The following UBR2 variants were observed in gnomAD, a reference collection of about 807,000 sequenced individuals.
UBR2 encodes ubiquitin protein ligase E3 component n-recognin 2, also known as E3 ubiquitin-protein ligase UBR2.
UBR2 carries 92 observed loss-of-function variants against 247.9 expected under a neutral mutation model. The observed-to-expected ratio is 0.37, with a 90% CI of 0.31 to 0.44. The LOEUF is 0.44. UBR2 is among the 20% of genes least tolerant of loss of function. UBR2 has a pLI of 1.00. For missense variants in UBR2, 1,613 were observed against 2,112.6 expected (o/e 0.76, Z 4.64); for synonymous variants, 672 against 693.5 (o/e 0.97, Z 0.49).
At chr6:42,661,776 A>AT (rs1489638829) in intron 30 of UBR2, among the ~76,000 whole-genome samples, 2 of 152,146 alleles carry the variant, frequency 1.3e-5, no homozygotes, top group African/African-American at 4.8e-5. Context: ...AACATTTTTT[A>AT]TTAGCGATCA....
intron 11 of UBR2, among the ~76,000 whole-genome samples, chr6:42,628,362 A>G (rs1268956175): frequency 1.3e-5 from 2 of 152,152 alleles, no homozygotes; most frequent in Non-Finnish European, 1.5e-5. Context: ...AATGTTTTAC[A>G]GCAGTGGTAC....
Position 42,573,902 on chromosome 6 carries a change from G to A in UBR2, c.247G>A (p.Ala83Thr), listed in dbSNP as rs1014391153. 1.2e-6 allele frequency: 2 copies of A among 1,613,800 alleles called. No homozygotes were observed. The highest frequency in any genetic ancestry group is 2.7e-5 in the African/African-American group (2 of 74,906). The stretch of plus-strand genomic sequence containing the variant: ...ATGGTACCTTTGTGGTGAAGATCCT[G>A]CATTTGGATTTCCAAAACTTGAGCA... The part of the protein sequence containing the change: ...MEWYLCGEDP[A>T]FGFPKLEQAN... The change falls in exon 2 of 47, where the codon GCA (alanine) becomes ACA (threonine). Residue 83 changes from alanine (A) to threonine (T), a missense_variant. By Grantham distance (58) the Ala-to-Thr change is moderately conservative. Coordinates refer to ENST00000372901, the MANE Select transcript of UBR2 (RefSeq NM_001363705.2).
intron 11 of UBR2, among the ~76,000 whole-genome samples, chr6:42,618,312 TGGA>T (rs897182766): frequency 7.2e-5 from 11 of 152,288 alleles, no homozygotes; most frequent in South Asian, 6.2e-4. Flanking sequence ...TGAGAAAACC[TGGA>T]GGAGTAGGGT....
chr6:42,586,538 C>CTTTTTTTTTT (rs147830824), intron 2 of UBR2, among the ~76,000 whole-genome samples: 12 of 97,244 alleles, frequency 1.2e-4, no homozygotes, highest in East Asian at 2.9e-4. Context: ...GTTTGTCTCT[C>CTTTTTTTTTT]TTTTTTTTTT....
In UBR2 at chr6:42,658,264, A is replaced by G; in HGVS notation, c.3007A>G (p.Arg1003Gly). 3.1e-6 allele frequency: 5 copies of G among 1,613,946 alleles called. No homozygotes were observed. Among genetic ancestry groups the G allele is most frequent in the Non-Finnish European group, 3.4e-6 (4 of 1,179,936 alleles). The change falls in exon 28 of 47, where the codon AGG (arginine) becomes GGG (glycine). Residue 1003 changes from arginine to glycine, a missense_variant. Arg to Gly is a moderately radical substitution (Grantham distance 125). Around this residue, in one of 3 missense-constraint regions of UBR2, gnomAD observed 1,524 missense variants for 1,967.3 expected, o/e 0.77. Transcript: ENST00000372901. ...LKTFNAVKKM[R>G]ESSPTSPVAE... ...GACTTTTAATGCTGTTAAAAAGATG[A>G]GGGAGAGTTCACCTACCAGTCCCGT...
intron 3 of UBR2, 22 bp from the exon 4 acceptor site, chr6:42,594,169 T>G (rs1335665038): frequency 6.4e-7 from 1 of 1,564,178 alleles, no homozygotes; most frequent in East Asian, 2.2e-5. Flanking sequence ...ATTGACAAGA[T>G]ACTTTACAAT....
chr6:42,596,833 A>G (rs1377026510), intron 4 of UBR2, among the ~76,000 whole-genome samples: 4 of 152,156 alleles, frequency 2.6e-5, no homozygotes, highest in Non-Finnish European at 5.9e-5. Context: ...GGGGAAGAGG[A>G]AAATGGAGAG....
At chr6:42,589,845 G>T (rs1178498559) in intron 2 of UBR2, among the ~76,000 whole-genome samples, 1 of 152,100 alleles carries the variant, frequency 6.6e-6, no homozygotes, top group Non-Finnish European at 1.5e-5. Context: ...AGCTGTTACT[G>T]GCATATCTAT....
chr6:42,646,216 T>C (rs1188912839), intron 21 of UBR2, among the ~76,000 whole-genome samples: 1 of 152,204 alleles, frequency 6.6e-6, no homozygotes, highest in African/African-American at 2.4e-5. Context: ...TTTATTTTCA[T>C]TGAGGCTTTT....
At chr6:42,648,481 A>C (rs1325451892) in intron 22 of UBR2, among the ~76,000 whole-genome samples, 1 of 152,192 alleles carries the variant, frequency 6.6e-6, no homozygotes, top group Non-Finnish European at 1.5e-5. Context: ...GTAATTTCTT[A>C]AAACTGTTTT....
Position 42,658,011 on chromosome 6 carries a change from T to A in UBR2, c.2873-13T>A, listed in dbSNP as rs1797537870. 6.3e-7 allele frequency: 1 copy of A among 1,596,518 alleles called. No individual in the cohort carries two copies. The highest frequency in any genetic ancestry group is 1.7e-5 in the Admixed American group (1 of 59,210). The stretch of plus-strand genomic sequence containing the variant: ...TAGCTATTGTTATTGTGCCTTTTAT[T>A]TTTCTGCCGTAGAACCTGGTGAAGC... On this transcript the variant is annotated splice_polypyrimidine_tract_variant and intron_variant, in intron 26 of 46. Coordinates refer to ENST00000372901, the MANE Select transcript of UBR2 (RefSeq NM_001363705.2).
In UBR2 at chr6:42,573,804, A is replaced by G; in HGVS notation, c.149A>G (p.Tyr50Cys). 1 of 1,613,472 alleles carries G rather than the reference A, an allele frequency of 6.2e-7. No individual in the cohort carries two copies. The highest frequency in any genetic ancestry group is 8.5e-7 in the Non-Finnish European group (1 of 1,179,628). Residue 50 changes from tyrosine to cysteine, a missense_variant, in exon 2 of 47, where the codon TAC becomes TGC. Physicochemically the swap from Tyr to Cys is radical, Grantham distance 194. This residue lies in a region of UBR2 where 1,524 missense variants were observed against 1,967.3 expected (regional missense o/e 0.77). Transcript: ENST00000372901. ...QHLAHYVPKI[Y>C]CRGPNPFPQK... ...TTAGCCCACTATGTACCCAAAATCT[A>G]CTGCAGGGGTCCCAACCCTTTTCCA...
At chr6:42,686,756 C>A (rs1000319949) in intron 44 of UBR2, among the ~76,000 whole-genome samples, 1 of 152,010 alleles carries the variant, frequency 6.6e-6, no homozygotes, top group Admixed American at 6.5e-5. Context: ...GGCTGCCCCC[C>A]ACCTCCCGGA....
chr6:42,687,352 C>T (rs920189745), intron 44 of UBR2, among the ~76,000 whole-genome samples: 8 of 152,122 alleles, frequency 5.3e-5, no homozygotes, highest in Admixed American at 3.9e-4. Context: ...GGCGTGGCGG[C>T]GCGCGCCTGC....
rs750365108 is a variant in UBR2 at position 42,659,544 on chromosome 6, CACA to C, written c.3243-111_3243-109del. ...ATACACACACACACACACACACACA[CACA>C]CACACACACACACACTACACACACA... On this transcript the variant is annotated intron_variant, in intron 29 of 46. Transcript: ENST00000372901. This position sits in a 1 kb window ranked among gnomAD's most constrained non-coding sequence, Gnocchi z 4.3. 1.4e-6 allele frequency: 1 copy of C among 729,124 alleles called. No homozygotes were observed. Among genetic ancestry groups the C allele is most frequent in the African/African-American group, 1.8e-5 (1 of 55,172 alleles). 45.2% of individuals were successfully genotyped at this position (729,124 alleles called of 1,614,324 possible).
At chr6:42,645,330 G>A (rs1582632028) in intron 20 of UBR2, 136 bp from the exon 21 acceptor site, 1 of 819,112 alleles carries the variant, frequency 1.2e-6, no homozygotes, top group Admixed American at 2.8e-5. Flanking sequence ...CTGGCTTATT[G>A]CAGAACAGTC....
rs1357087616 is a variant in UBR2 at position 42,576,604 on chromosome 6, A to G, written c.338+2611A>G. On this transcript the variant is annotated intron_variant, in intron 2 of 46. Coordinates refer to ENST00000372901, the MANE Select transcript of UBR2 (RefSeq NM_001363705.2). The stretch of plus-strand genomic sequence containing the variant: ...GATTGTAGTGGCATAATCTCGGCTC[A>G]CTGCAACTTCTGCCTCCCGGATTCA... Among the ~76,000 whole-genome samples the G allele has an allele frequency of 2.2e-5, 3 of 138,728 alleles. No individual in the cohort carries two copies. In the East Asian group the frequency reaches 6.3e-4, roughly 29 times the overall value. 91.0% of individuals were successfully genotyped at this position (138,728 alleles called of 152,430 possible). A position where few individuals can be genotyped will look rare whatever the true frequency, so the allele number is the denominator to read the frequency against.
chr6:42,582,020 A>C lies in UBR2; in HGVS notation c.338+8027A>C, dbSNP rs1582446933. ...TTTTAAGGGCTGGGTGCGGTGGCTCACACCTGTAATCCCAGCACTTTGGGA... is the reference window on the plus strand; with the variant it reads ...TTTTAAGGGCTGGGTGCGGTGGCTCCCACCTGTAATCCCAGCACTTTGGGA... On this transcript the variant is annotated intron_variant, in intron 2 of 46. Coordinates refer to ENST00000372901, the MANE Select transcript of UBR2 (RefSeq NM_001363705.2). 2.6e-5 allele frequency among the ~76,000 whole-genome samples: 4 copies of C among 152,312 alleles called. No individual in the cohort carries two copies. The South Asian group carries it at 8.3e-4, about 32-fold the overall frequency.
intron 31 of UBR2, 88 bp downstream of exon 31, chr6:42,662,365 G>A: frequency 1.2e-6 from 1 of 844,788 alleles, no homozygotes; most frequent in South Asian, 1.9e-5. Context: ...CTAGAAAAAA[G>A]GAAAAGAACT....
Sources: allele counts gnomAD v4.1 joint callset (sites outside exome capture counted in the v4.1 genomes callset), GRCh38; gene constraint gnomAD v4.1.1; regional missense constraint gnomAD v4.1.1; non-coding constraint Gnocchi (gnomAD v3.1); transcripts MANE v1.5; gene names NCBI Gene and HGNC (gene_info 2026-07-23, HGNC 2026-07-21).